The following CUX1 variants were observed in gnomAD, a reference collection of about 807,000 sequenced individuals.
The protein encoded by CUX1 is protein CASP.
A neutral mutation model predicts 158.8 loss-of-function variants in CUX1; 31 were observed. The ratio of observed to expected loss-of-function variants is 0.20; its 90% CI spans 0.15 to 0.26. The LOEUF is 0.26. CUX1 is among the 10% of genes least tolerant of loss of function. CUX1 has a pLI of 1.00. For synonymous variants in CUX1, 879 were observed against 862.1 expected, an observed-to-expected ratio of 1.02 and a Z score of -0.34; for missense variants, 1,589 against 2,014.6, an observed-to-expected ratio of 0.79 and a Z score of 4.04.
intron 1 of CUX1, among the ~76,000 whole-genome samples, chr7:101,866,114 C>G (rs958546932): frequency 2.0e-5 from 3 of 151,774 alleles, no homozygotes; most frequent in Non-Finnish European, 2.9e-5. Flanking sequence ...TGCTTGAGCC[C>G]AGGAATTTGA....
At chr7:101,852,502 C>T (rs1796370629) in intron 1 of CUX1, among the ~76,000 whole-genome samples, 1 of 151,764 alleles carries the variant, frequency 6.6e-6, no homozygotes, top group Admixed American at 6.6e-5. Flanking sequence ...CCTGTAGTCC[C>T]AGCTACTTGG....
At chr7:101,913,374 T>C in intron 1 of CUX1, 1 of 1,268,478 alleles carries the variant, frequency 7.9e-7, no homozygotes, top group Non-Finnish European at 1.0e-6. Flanking sequence ...CAGACCCCCG[T>C]TGAGTCCCCG....
intron 9 of CUX1, among the ~76,000 whole-genome samples, chr7:102,163,950 G>T (rs1236770120): frequency 6.6e-6 from 1 of 152,134 alleles, no homozygotes; most frequent in Non-Finnish European, 1.5e-5. Flanking sequence ...GTAGCAGAGG[G>T]GTCGGCACCT....
At chr7:101,878,601 T>A (rs1025423550) in intron 1 of CUX1, among the ~76,000 whole-genome samples, 1 of 152,058 alleles carries the variant, frequency 6.6e-6, no homozygotes, top group African/African-American at 2.4e-5. Flanking sequence ...CAGATCCTTT[T>A]CAATACAATG....
rs1563489659 is a variant in CUX1, at chr7:102,249,398, A to G, written c.*356A>G. On this transcript the variant is annotated 3_prime_UTR_variant, in exon 24 of 24. Coordinates refer to ENST00000292535, the MANE Select transcript of CUX1 (RefSeq NM_181552.4). Reference sequence around the variant, plus strand: ...CCATAGGCCAAGGTGCATATAGAAAACAAAGGAGCATTAAGCCCAATCTAT... The same window carrying G: ...CCATAGGCCAAGGTGCATATAGAAAGCAAAGGAGCATTAAGCCCAATCTAT... The G allele has an allele frequency of 1.0e-6, 1 of 989,840 alleles. No individual in the cohort carries two copies. Among genetic ancestry groups the G allele is most frequent in the Non-Finnish European group, 1.2e-6 (1 of 832,702 alleles). The allele number at this position is 989,840 out of a possible 1,614,324, so 61.3% of individuals were successfully genotyped here. A position where few individuals can be genotyped will look rare whatever the true frequency, so the allele number is the denominator to read the frequency against.
At chr7:101,957,923 T>A (rs939271146) in intron 2 of CUX1, among the ~76,000 whole-genome samples, 2 of 152,172 alleles carry the variant, frequency 1.3e-5, no homozygotes, top group Non-Finnish European at 2.9e-5. Flanking sequence ...GAACCCCAGC[T>A]GCCGTTTACT....
chr7:102,068,713 C>T (rs902422060), intron 3 of CUX1, among the ~76,000 whole-genome samples: 12 of 152,104 alleles, frequency 7.9e-5, no homozygotes, highest in African/African-American at 2.4e-4. Flanking sequence ...GTAATAACAT[C>T]GGAGACAGCA....
chr7:101,950,051 A>G (rs1486115127), intron 2 of CUX1, among the ~76,000 whole-genome samples: 2 of 152,162 alleles, frequency 1.3e-5, no homozygotes, highest in African/African-American at 4.8e-5. Flanking sequence ...CCTGTCGATC[A>G]GGCTGGAGTG....
At chr7:102,262,144 C>T (rs1163037494), downstream of CUX1, among the ~76,000 whole-genome samples, 1 of 152,010 alleles carries the variant, frequency 6.6e-6, no homozygotes, top group Non-Finnish European at 1.5e-5. Context: ...GTGGCTCATG[C>T]CTGTAATCCC....
rs1831342753 is a variant in CUX1, at chr7:102,115,435, A to G, written c.674+162A>G. On this transcript the variant is annotated intron_variant, in intron 8 of 23. Coordinates refer to ENST00000292535, the MANE Select transcript of CUX1 (RefSeq NM_181552.4). ...CGGTTCAATGCACGTTCTAGCACTC[A>G]CTGGGTAATCCTTCCAACAAACTTC... The G allele has an allele frequency of 5.4e-6, 3 of 558,118 alleles. No individual in the cohort carries two copies. The African/African-American group carries it at 5.9e-5, about 11-fold the overall frequency. The allele number at this position is 558,118 out of a possible 1,614,324, so 34.6% of individuals were successfully genotyped here. A position where few individuals can be genotyped will look rare whatever the true frequency, so the allele number is the denominator to read the frequency against.
At chr7:102,140,350 A>G (rs1554499834) in intron 8 of CUX1, among the ~76,000 whole-genome samples, 2 of 152,040 alleles carry the variant, frequency 1.3e-5, no homozygotes, top group Non-Finnish European at 2.9e-5. Context: ...GGTTCAAGCA[A>G]TTCTCCTGCC....
chr7:102,156,989 G>C (rs552779484), intron 8 of CUX1, among the ~76,000 whole-genome samples: 1 of 152,342 alleles, frequency 6.6e-6, no homozygotes, highest in African/African-American at 2.4e-5. Flanking sequence ...GGGAAGGGTG[G>C]ATGGGGTGGA....
At chr7:102,146,148 A>G (rs909748997) in intron 8 of CUX1, among the ~76,000 whole-genome samples, 1 of 152,168 alleles carries the variant, frequency 6.6e-6, no homozygotes, top group Non-Finnish European at 1.5e-5. Context: ...AGAGAGATGC[A>G]GGAAGCAGCC....
At position 101,817,677 on chromosome 7, in the gene CUX1, G is replaced by C. The variant is rs908228533; in HGVS notation, c.30+8G>C. On this transcript the variant is annotated splice_region_variant and intron_variant, in intron 1 of 23. Coordinates refer to ENST00000292535, the MANE Select transcript of CUX1 (RefSeq NM_181552.4). This position sits in a 1 kb window ranked among gnomAD's most constrained non-coding sequence, Gnocchi z 4.1. ...GCCGGAGCCAGGTTGAAGGTGAGCG[G>C]CGTGTGGGCCAGAAGTCCCGAGGTT... 6.4e-7 allele frequency: 1 copy of C among 1,551,464 alleles called. No individual in the cohort carries two copies. The highest frequency in any genetic ancestry group is 1.4e-5 in the African/African-American group (1 of 73,156).
chr7:102,081,089 C>T (rs1554478594), intron 4 of CUX1, among the ~76,000 whole-genome samples: 1 of 152,206 alleles, frequency 6.6e-6, no homozygotes. Context: ...TGAATCACTT[C>T]TTCACCTATT....
chr7:102,117,103 C>T (rs1206107240), intron 8 of CUX1, among the ~76,000 whole-genome samples: 1 of 152,014 alleles, frequency 6.6e-6, no homozygotes, highest in Non-Finnish European at 1.5e-5. Flanking sequence ...TTGGGATAGT[C>T]AGAAGAAAGT....
intron 21 of CUX1, among the ~76,000 whole-genome samples, chr7:102,228,352 C>T (rs1241605134): frequency 6.6e-6 from 1 of 151,994 alleles, no homozygotes; most frequent in Non-Finnish European, 1.5e-5. Context: ...AGCAAGACCC[C>T]ATCTCTACAA....
Position 101,864,695 on chromosome 7 carries a change from C to T in CUX1, c.30+47026C>T, listed in dbSNP as rs143800607. The stretch of plus-strand genomic sequence containing the variant: ...CCTCCCGAGTAGCTGGGACTACAGG[C>T]GCACACCACCATGCCCAGCTAATTT... On this transcript the variant is annotated intron_variant, in intron 1 of 23. Transcript: ENST00000292535. Among the ~76,000 whole-genome samples, 1,198 of 152,134 alleles carry T rather than the reference C, an allele frequency of 7.9e-3. 15 individuals are homozygous for T. Among genetic ancestry groups the T allele is most frequent in the African/African-American group, 0.026 (1,083 of 41,500 alleles).
intron 20 of CUX1, among the ~76,000 whole-genome samples, chr7:102,219,585 T>G (rs782736407): frequency 3.6e-4 from 55 of 152,206 alleles, no homozygotes; most frequent in Non-Finnish European, 2.1e-4. Context: ...GCGTCAGGCA[T>G]AGCTGCTCAC....
Sources: allele counts gnomAD v4.1 joint callset (sites outside exome capture counted in the v4.1 genomes callset), GRCh38; gene constraint gnomAD v4.1.1; non-coding constraint Gnocchi (gnomAD v3.1); transcripts MANE v1.5; gene names NCBI Gene and HGNC (gene_info 2026-07-23, HGNC 2026-07-21).